PDE9A: variants seen among roughly 807,000 people sequenced by gnomAD.
PDE9A encodes phosphodiesterase 9A, also known as high affinity cGMP-specific 3',5'-cyclic phosphodiesterase 9A.
A neutral mutation model predicts 87.4 loss-of-function variants in PDE9A; 60 were observed. The observed-to-expected ratio is 0.69, with a 90% CI of 0.56 to 0.85. PDE9A has a LOEUF of 0.85. Among genes scored for constraint, PDE9A ranks in the 40% least tolerant of loss-of-function variants. The pLI is 0.00. For missense variants in PDE9A, 665 were observed against 779.0 expected (o/e 0.85, Z 1.74); for synonymous variants, 272 against 279.4 (o/e 0.97, Z 0.27).
At chr21:42,663,294 C>G (rs1280258492) in intron 1 of PDE9A, among the ~76,000 whole-genome samples, 1 of 151,522 alleles carries the variant, frequency 6.6e-6, no homozygotes, top group Non-Finnish European at 1.5e-5. Context: ...AGGCACATCA[C>G]ACACATACAT....
At chr21:42,720,691 G>A (rs539855119) in intron 4 of PDE9A, among the ~76,000 whole-genome samples, 23 of 152,042 alleles carry the variant, frequency 1.5e-4, no homozygotes, top group Admixed American at 3.9e-4. Flanking sequence ...TCAGTGTCAC[G>A]CAGCCCCTGC....
intron 8 of PDE9A, among the ~76,000 whole-genome samples, chr21:42,748,503 C>T (rs952094202): frequency 6.6e-6 from 1 of 152,196 alleles, no homozygotes; most frequent in East Asian, 1.9e-4. Flanking sequence ...AACACCGAAG[C>T]CTCTTTTTCC....
At chr21:42,673,567 G>C (rs974723616) in intron 1 of PDE9A, among the ~76,000 whole-genome samples, 10 of 152,192 alleles carry the variant, frequency 6.6e-5, no homozygotes, top group African/African-American at 2.4e-4. Flanking sequence ...AAACAGTTGG[G>C]CAAATCATAA....
At chr21:42,666,732 C>A (rs1294879182) in intron 1 of PDE9A, among the ~76,000 whole-genome samples, 1 of 152,222 alleles carries the variant, frequency 6.6e-6, no homozygotes, top group East Asian at 1.9e-4. Context: ...AAGGCCCGGT[C>A]TCCAAATAAG....
At chr21:42,710,464 G>C (rs1183509845) in intron 4 of PDE9A, among the ~76,000 whole-genome samples, 5 of 151,890 alleles carry the variant, frequency 3.3e-5, no homozygotes, top group African/African-American at 1.2e-4. Context: ...CTACCAAGAG[G>C]TTGTACCATT....
At chr21:42,720,804 G>A (rs1461258224) in intron 4 of PDE9A, among the ~76,000 whole-genome samples, 7 of 152,144 alleles carry the variant, frequency 4.6e-5, no homozygotes, top group East Asian at 1.9e-4. Context: ...TCGGGAGTTC[G>A]AGACCAGCCT....
intron 10 of PDE9A, among the ~76,000 whole-genome samples, chr21:42,756,251 GC>G (rs1023286049): frequency 2.6e-5 from 4 of 152,230 alleles, no homozygotes; most frequent in African/African-American, 9.6e-5. Context: ...CAAGACAGGA[GC>G]CTTGGCCTCT....
At chr21:42,693,299 CTTT>C (rs10714757) in intron 3 of PDE9A, among the ~76,000 whole-genome samples, 13 of 133,334 alleles carry the variant, frequency 9.7e-5, no homozygotes, top group African/African-American at 1.2e-4. Flanking sequence ...ACCCAGGAAT[CTTT>C]TTTTTTTTTT....
chr21:42,767,035 C>T (rs531306509), intron 15 of PDE9A, among the ~76,000 whole-genome samples: 1 of 152,278 alleles, frequency 6.6e-6, no homozygotes, highest in Middle Eastern at 3.4e-3. Flanking sequence ...CCCAGGGTTC[C>T]GTTTATCCCA....
intron 1 of PDE9A, among the ~76,000 whole-genome samples, chr21:42,670,041 TCACA>T (rs199698684): frequency 7.9e-5 from 12 of 151,888 alleles, no homozygotes; most frequent in Admixed American, 2.6e-4. Context: ...TGTTTCACCT[TCACA>T]CACACACACT....
intron 16 of PDE9A, chr21:42,768,824 G>C: frequency 1.0e-6 from 1 of 985,444 alleles, no homozygotes. Flanking sequence ...CTCTCAGGTC[G>C]GTCTTCCCAG....
chr21:42,656,372 C>T (rs1323285835), intron 1 of PDE9A, among the ~76,000 whole-genome samples: 1 of 152,236 alleles, frequency 6.6e-6, no homozygotes, highest in Non-Finnish European at 1.5e-5. Flanking sequence ...ATCTCAGTTT[C>T]CCCCTGAGAC....
chr21:42,735,677 G>A (rs2052324974), intron 7 of PDE9A, among the ~76,000 whole-genome samples: 1 of 152,188 alleles, frequency 6.6e-6, no homozygotes, highest in Non-Finnish European at 1.5e-5. Context: ...CTCTCAGCTA[G>A]GTCTTATAAA....
At chr21:42,762,388 C>T (rs951371619) in intron 14 of PDE9A, 149 bp downstream of exon 14, 6 of 766,952 alleles carry the variant, frequency 7.8e-6, no homozygotes, top group African/African-American at 1.8e-5. Flanking sequence ...TTCCTCACCT[C>T]CTCCAGGGCC....
chr21:42,760,949 C>G lies in PDE9A; in HGVS notation c.1085+42C>G. ...CTCTTTTTTTCCTTTTAAAAGGCACCCTGGCTACTGGAGGGAACCTGTCAG... is the reference window on the plus strand; with the variant it reads ...CTCTTTTTTTCCTTTTAAAAGGCACGCTGGCTACTGGAGGGAACCTGTCAG... On this transcript the variant is annotated intron_variant, in intron 13 of 19. Transcript: ENST00000291539. This position sits in a 1 kb window ranked among gnomAD's most constrained non-coding sequence, Gnocchi z 5.2. The G allele has an allele frequency of 1.5e-6, 2 of 1,308,080 alleles. No individual in the cohort carries two copies. The highest frequency in any genetic ancestry group is 2.2e-6 in the Non-Finnish European group (2 of 901,462). The allele number at this position is 1,308,080 out of a possible 1,614,324, so 81.0% of individuals were successfully genotyped here. A position where few individuals can be genotyped will look rare whatever the true frequency, so the allele number is the denominator to read the frequency against.
At chr21:42,656,381 A>G (rs1007881506) in intron 1 of PDE9A, among the ~76,000 whole-genome samples, 2 of 152,180 alleles carry the variant, frequency 1.3e-5, no homozygotes, top group African/African-American at 4.8e-5. Context: ...TCCCCCTGAG[A>G]CCGCAGAGAC....
chr21:42,760,788 A>G lies in PDE9A; in HGVS notation c.1003-37A>G. The G allele has an allele frequency of 8.7e-7, 1 of 1,145,932 alleles. No homozygotes were observed. The highest frequency in any genetic ancestry group is 1.3e-6 in the Non-Finnish European group (1 of 759,082). 71.0% of individuals were successfully genotyped at this position (1,145,932 alleles called of 1,614,324 possible). A position where few individuals can be genotyped will look rare whatever the true frequency, so the allele number is the denominator to read the frequency against. ...CTCACCCCATCCCACCCTCCGAGTG[A>G]AGAGAGCAAACACCTACGCCCTGTT... On this transcript the variant is annotated intron_variant, in intron 12 of 19. Transcript: ENST00000291539. The surrounding 1 kb of genome is among the most constrained non-coding windows in gnomAD (Gnocchi z 5.2).
At chr21:42,761,011 A>G (rs1387043753) in intron 13 of PDE9A, 104 bp downstream of exon 13, 15 of 770,552 alleles carry the variant, frequency 1.9e-5, no homozygotes, top group South Asian at 1.7e-4. Context: ...GGAGCTGTCA[A>G]CGACGGCCTC....
intron 1 of PDE9A, among the ~76,000 whole-genome samples, chr21:42,664,143 A>T (rs1207229516): frequency 1.3e-5 from 2 of 152,222 alleles, no homozygotes; most frequent in Non-Finnish European, 2.9e-5. Context: ...TGGAAGAGAA[A>T]GCTGGGGGTT....
Sources: allele counts gnomAD v4.1 joint callset (sites outside exome capture counted in the v4.1 genomes callset), GRCh38; gene constraint gnomAD v4.1.1; non-coding constraint Gnocchi (gnomAD v3.1); transcripts MANE v1.5; gene names NCBI Gene and HGNC (gene_info 2026-07-23, HGNC 2026-07-21).